Variants in CPEB4 observed in about 807,000 individuals in gnomAD.
CPEB4 encodes the protein cytoplasmic polyadenylation element binding protein 4.
A neutral mutation model predicts 72.5 loss-of-function variants in CPEB4; 12 were observed. The ratio of observed to expected loss-of-function variants is 0.17; its 90% confidence interval spans 0.11 to 0.27. The LOEUF is 0.27. Among genes scored for constraint, CPEB4 ranks in the 10% least tolerant of loss-of-function variants. The pLI is 1.00. For missense variants in CPEB4, 614 were observed against 908.5 expected (o/e 0.68, Z 4.17); for synonymous variants, 302 against 326.3 (o/e 0.93, Z 0.80).
At chr5:173,911,205 C>G (rs1561612375) in intron 2 of CPEB4, among the ~76,000 whole-genome samples, 1 of 151,972 alleles carries the variant, frequency 6.6e-6, no homozygotes, top group Non-Finnish European at 1.5e-5. Flanking sequence ...CGTAGAATTA[C>G]CCGGGTGCTT....
intron 3 of CPEB4, among the ~76,000 whole-genome samples, chr5:173,935,888 T>G (rs1443908960): frequency 2.0e-5 from 3 of 152,216 alleles, no homozygotes; most frequent in Non-Finnish European, 4.4e-5. Flanking sequence ...ATCAAATTAT[T>G]TTTTTGCCCT....
At chr5:173,953,608 T>C (rs1038227030) in intron 9 of CPEB4, among the ~76,000 whole-genome samples, 3 of 152,206 alleles carry the variant, frequency 2.0e-5, no homozygotes, top group Admixed American at 6.5e-5. Flanking sequence ...TTATATCAAG[T>C]ATACAAACAG....
At chr5:173,916,112 C>A (rs1160249870) in intron 2 of CPEB4, among the ~76,000 whole-genome samples, 1 of 152,108 alleles carries the variant, frequency 6.6e-6, no homozygotes, top group African/African-American at 2.4e-5. Flanking sequence ...CAAAATGAGA[C>A]AGCAAAATTA....
chr5:173,891,726 T>C lies in CPEB4; in HGVS notation c.1125+868T>C, dbSNP rs559488316. 7 of 152,294 alleles carry C rather than the reference T, an allele frequency of 4.6e-5. No individual in the cohort carries two copies. In the South Asian group the frequency reaches 1.4e-3, roughly 32 times the overall value. 9.4% of individuals were successfully genotyped at this position (152,294 alleles called of 1,614,324 possible). ...GCAAGTTAGGTTGATATGAACTAGATAAAGGGAATTTCATAGGTGGTTGAA... is the reference window on the plus strand; with the variant it reads ...GCAAGTTAGGTTGATATGAACTAGACAAAGGGAATTTCATAGGTGGTTGAA... On this transcript the variant is annotated intron_variant, in intron 1 of 9. Coordinates refer to ENST00000265085, the MANE Select transcript of CPEB4 (RefSeq NM_030627.4).
intron 2 of CPEB4, among the ~76,000 whole-genome samples, chr5:173,929,277 C>G (rs1307006588): frequency 4.6e-5 from 7 of 152,138 alleles, no homozygotes; most frequent in African/African-American, 1.7e-4. Flanking sequence ...TTGTTACTGT[C>G]AAGTTGAAAT....
chr5:173,944,903 T>G (rs1031631789), intron 4 of CPEB4, 64 bp from the exon 5 acceptor site: 3 of 1,393,554 alleles, frequency 2.2e-6, no homozygotes, highest in Non-Finnish European at 3.0e-6. Flanking sequence ...CCTTGTTTCT[T>G]TGCATGATAA....
In CPEB4 at chr5:173,950,118, C is replaced by G. The variant is rs370463858; in HGVS notation, c.1665+40C>G. ...GCATAAAATAGCTTCTTGTTTTTGC[C>G]TCCATTCATCTGTTATATTTGAAAA... On this transcript the variant is annotated intron_variant, in intron 7 of 9. Coordinates refer to ENST00000265085, the MANE Select transcript of CPEB4 (RefSeq NM_030627.4). The surrounding 1 kb of genome is among the most constrained non-coding windows in gnomAD (Gnocchi z 5.0). The G allele has an allele frequency of 5.8e-6, 7 of 1,200,618 alleles. No individual in the cohort carries two copies. In the African/African-American group the frequency reaches 1.1e-4, roughly 18 times the overall value. 74.4% of individuals were successfully genotyped at this position (1,200,618 alleles called of 1,614,324 possible).
rs115848070 is a variant in CPEB4, at chr5:173,908,737, G to C, written c.1126-1786G>C. 8.3e-3 allele frequency among the ~76,000 whole-genome samples: 1,271 copies of C among 152,330 alleles called. 3 individuals are homozygous for C. Among genetic ancestry groups the C allele is most frequent in the Non-Finnish European group, 0.014 (919 of 68,028 alleles). ...ATCCTCTGTCAGCTTAGATGTTCTA[G>C]AAGTTAGCTAGGAAAGTAGAAAAAT... On this transcript the variant is annotated intron_variant, in intron 1 of 9. Transcript: ENST00000265085.
chr5:173,953,057 T>C, intron 8 of CPEB4, 34 bp from the exon 9 acceptor site: 2 of 1,537,566 alleles, frequency 1.3e-6, no homozygotes, highest in Non-Finnish European at 1.8e-6. Flanking sequence ...ATTTTCCTGA[T>C]TTTAAATATC....
At position 173,937,023 on chromosome 5, in the gene CPEB4, T is replaced by C. The variant is rs1409396881; in HGVS notation, c.1258+4523T>C. The stretch of plus-strand genomic sequence containing the variant: ...GCACAGAACAACATTTCTTTCCTTT[T>C]TTTTTTTTTTTTTTTTTTGAGATGA... On this transcript the variant is annotated intron_variant, in intron 3 of 9. Coordinates refer to ENST00000265085, the MANE Select transcript of CPEB4 (RefSeq NM_030627.4). 2.6e-4 allele frequency among the ~76,000 whole-genome samples: 36 copies of C among 140,608 alleles called. 1 individual carries two copies. The highest frequency in any genetic ancestry group is 3.7e-3 in the Middle Eastern group (1 of 272). The allele number at this position is 140,608 out of a possible 152,430, so 92.2% of individuals were successfully genotyped here. A position where few individuals can be genotyped will look rare whatever the true frequency, so the allele number is the denominator to read the frequency against.
intron 2 of CPEB4, among the ~76,000 whole-genome samples, chr5:173,915,958 G>A (rs1581129686): frequency 6.6e-6 from 1 of 152,012 alleles, no homozygotes; most frequent in Admixed American, 6.5e-5. Flanking sequence ...GTATGTGAAG[G>A]GAATAAAGAG....
chr5:173,914,753 C>T (rs1035395943), intron 2 of CPEB4, among the ~76,000 whole-genome samples: 24 of 151,762 alleles, frequency 1.6e-4, no homozygotes, highest in African/African-American at 5.3e-4. Context: ...AGAGAGACTC[C>T]GTCACAAAAA....
At chr5:173,920,817 T>C (rs528070110) in intron 2 of CPEB4, among the ~76,000 whole-genome samples, 74 of 152,360 alleles carry the variant, frequency 4.9e-4, no homozygotes, top group African/African-American at 1.7e-3. Context: ...TGTGGCAGTA[T>C]TTCATATGGA....
intron 2 of CPEB4, among the ~76,000 whole-genome samples, chr5:173,914,606 A>T (rs1420655973): frequency 2.0e-5 from 3 of 152,002 alleles, no homozygotes; most frequent in Non-Finnish European, 4.4e-5. Context: ...AAACAGAAAA[A>T]TTATCCGGGC....
intron 2 of CPEB4, among the ~76,000 whole-genome samples, chr5:173,913,198 CTTT>C (rs201042615): frequency 9.3e-5 from 13 of 139,044 alleles, no homozygotes; most frequent in Non-Finnish European, 7.9e-5. Context: ...ACACATTATT[CTTT>C]TTTTTTTTTT....
At chr5:173,918,860 A>G (rs1157074730) in intron 2 of CPEB4, among the ~76,000 whole-genome samples, 4 of 152,174 alleles carry the variant, frequency 2.6e-5, no homozygotes, top group African/African-American at 9.7e-5. Flanking sequence ...CAGCCCCTTT[A>G]TCTTAATCCT....
chr5:173,939,031 C>T (rs891939323), intron 3 of CPEB4, among the ~76,000 whole-genome samples: 16 of 152,194 alleles, frequency 1.1e-4, no homozygotes, highest in South Asian at 4.1e-4. Context: ...CTCATGCTTA[C>T]AATCCTAGCA....
chr5:173,953,338 T>C, intron 9 of CPEB4, 66 bp downstream of exon 9: 1 of 1,273,498 alleles, frequency 7.9e-7, no homozygotes, highest in Non-Finnish European at 1.1e-6. Context: ...TTACCAATAT[T>C]AGAACGGGAG....
At chr5:173,909,405 C>T (rs1756558221) in intron 1 of CPEB4, among the ~76,000 whole-genome samples, 2 of 152,156 alleles carry the variant, frequency 1.3e-5, no homozygotes, top group Admixed American at 1.3e-4. Flanking sequence ...GAACATGCTT[C>T]AGCAGTTCTC....
Sources: gnomAD v4.1 joint callset for allele counts (sites outside exome capture counted in the v4.1 genomes callset) on GRCh38, gnomAD v4.1.1 for gene constraint, Gnocchi (gnomAD v3.1) non-coding constraint, MANE v1.5 for transcripts, NCBI Gene and HGNC (gene_info 2026-07-23, HGNC 2026-07-21) for gene names.